ATF6: variants seen among roughly 807,000 people sequenced by gnomAD.
ATF6 encodes the protein activating transcription factor 6, also known as cyclic AMP-dependent transcription factor ATF-6 alpha.
ATF6 carries 53 observed loss-of-function variants against 83.6 expected under a neutral mutation model. The observed-to-expected ratio is 0.63, with a 90% CI of 0.51 to 0.80. The LOEUF is 0.80. ATF6 is among the 30% of genes least tolerant of loss of function. ATF6 has a pLI of 0.00. For missense variants in ATF6, 744 were observed against 797.9 expected (o/e 0.93, Z 0.81); for synonymous variants, 288 against 285.8 (o/e 1.01, Z -0.08).
chr1:161,957,470 T>C (rs1315484781), intron 15 of ATF6, among the ~76,000 whole-genome samples: 2 of 152,202 alleles, frequency 1.3e-5, no homozygotes, highest in African/African-American at 2.4e-5. Flanking sequence ...ATATTATTTA[T>C]TTTCTCATCA....
At chr1:161,898,243 T>A (rs1371028086) in intron 14 of ATF6, among the ~76,000 whole-genome samples, 1 of 152,200 alleles carries the variant, frequency 6.6e-6, no homozygotes, top group Non-Finnish European at 1.5e-5. Context: ...AAATATCATA[T>A]CCAGGCTTTT....
intron 6 of ATF6, among the ~76,000 whole-genome samples, chr1:161,799,182 A>C: frequency 6.6e-6 from 1 of 152,216 alleles, no homozygotes; most frequent in Non-Finnish European, 1.5e-5. Flanking sequence ...ATCAACCTAG[A>C]TGCCCATCAG....
intron 1 of ATF6, among the ~76,000 whole-genome samples, chr1:161,771,565 C>T (rs867188692): frequency 6.6e-6 from 1 of 152,172 alleles, no homozygotes; most frequent in Non-Finnish European, 1.5e-5. Context: ...CACAATATCC[C>T]ATCCTCTACC....
At chr1:161,807,848 AC>A (rs1213689932) in intron 7 of ATF6, among the ~76,000 whole-genome samples, 1 of 65,968 alleles carries the variant, frequency 1.5e-5, no homozygotes, top group Non-Finnish European at 3.2e-5. Flanking sequence ...TACTTTTTGT[AC>A]TTTTTAGTTT....
At chr1:161,868,909 G>C (rs1424159423) in intron 14 of ATF6, among the ~76,000 whole-genome samples, 3 of 152,044 alleles carry the variant, frequency 2.0e-5, no homozygotes, top group African/African-American at 7.2e-5. Context: ...TGAGATACTT[G>C]CATCTTCATT....
intron 3 of ATF6, among the ~76,000 whole-genome samples, chr1:161,782,514 A>T (rs1369416684): frequency 6.6e-6 from 1 of 152,198 alleles, no homozygotes; most frequent in African/African-American, 2.4e-5. Context: ...TGATGGTAGA[A>T]TGAAGAAAAA....
intron 14 of ATF6, among the ~76,000 whole-genome samples, chr1:161,867,428 A>T (rs1378266686): frequency 2.0e-5 from 3 of 152,196 alleles, no homozygotes; most frequent in Non-Finnish European, 4.4e-5. Flanking sequence ...GTTAAGAAGA[A>T]GATGATTTTA....
At chr1:161,768,213 T>A (rs1161692648) in intron 1 of ATF6, among the ~76,000 whole-genome samples, 1 of 152,166 alleles carries the variant, frequency 6.6e-6, no homozygotes, top group Admixed American at 6.6e-5. Flanking sequence ...TTTTATGTCG[T>A]CTTCTGATAC....
chr1:161,822,356 G>A (rs1026829872), intron 9 of ATF6, among the ~76,000 whole-genome samples: 3 of 152,136 alleles, frequency 2.0e-5, no homozygotes, highest in Non-Finnish European at 2.9e-5. Context: ...AGTAAAAAGA[G>A]CTTCAAGCAG....
intron 7 of ATF6, among the ~76,000 whole-genome samples, chr1:161,805,856 G>A (rs773812459): frequency 2.0e-5 from 3 of 150,114 alleles, no homozygotes; most frequent in Non-Finnish European, 4.4e-5. Context: ...TTGTAATGCT[G>A]ACATGGCTTC....
At chr1:161,787,507 A>G (rs1265710950) in intron 4 of ATF6, among the ~76,000 whole-genome samples, 1 of 151,442 alleles carries the variant, frequency 6.6e-6, no homozygotes, top group African/African-American at 2.4e-5. Context: ...CTCTGCTGTG[A>G]CTCCTCATGC....
intron 9 of ATF6, among the ~76,000 whole-genome samples, chr1:161,824,618 A>G (rs957272362): frequency 2.0e-4 from 31 of 152,328 alleles, no homozygotes; most frequent in Middle Eastern, 3.4e-3. Context: ...TGGCTGGCAC[A>G]TAGTAGTTAC....
intron 6 of ATF6, among the ~76,000 whole-genome samples, chr1:161,797,771 T>C (rs1227974236): frequency 6.6e-6 from 1 of 152,204 alleles, no homozygotes; most frequent in Non-Finnish European, 1.5e-5. Flanking sequence ...TTTAATGCTA[T>C]TCCTATCAAA....
intron 6 of ATF6, among the ~76,000 whole-genome samples, chr1:161,794,241 A>G (rs1005921242): frequency 6.6e-6 from 1 of 152,070 alleles, no homozygotes; most frequent in Non-Finnish European, 1.5e-5. Context: ...AATAGGTGGT[A>G]TTATTATAAT....
chr1:161,910,054 A>G (rs1687959936), intron 14 of ATF6, among the ~76,000 whole-genome samples: 1 of 152,246 alleles, frequency 6.6e-6, no homozygotes, highest in Non-Finnish European at 1.5e-5. Context: ...ATGATCTGAA[A>G]AAGAGTAAGA....
intron 15 of ATF6, among the ~76,000 whole-genome samples, chr1:161,936,363 CA>C (rs1040709758): frequency 1.3e-5 from 2 of 151,942 alleles, no homozygotes; most frequent in African/African-American, 4.8e-5. Flanking sequence ...GGGTATGTGA[CA>C]TGTTTTGATA....
At chr1:161,867,294 C>CA (rs928588906) in intron 14 of ATF6, among the ~76,000 whole-genome samples, 66 of 143,144 alleles carry the variant, frequency 4.6e-4, no homozygotes, top group South Asian at 1.8e-3. Context: ...GACTCCATCT[C>CA]AAAAAAAAAA....
chr1:161,846,082 C>T (rs912909366), intron 9 of ATF6, among the ~76,000 whole-genome samples: 1 of 152,094 alleles, frequency 6.6e-6, no homozygotes, highest in African/African-American at 2.4e-5. Context: ...TTGCACCATC[C>T]AGGAGGCCTT....
chr1:161,832,761 C>T (rs939100424), intron 9 of ATF6, among the ~76,000 whole-genome samples: 1 of 152,212 alleles, frequency 6.6e-6, no homozygotes, highest in African/African-American at 2.4e-5. Context: ...AGCTGGGAAG[C>T]TTGAACTGGG....
Sources: allele counts gnomAD v4.1 joint callset (sites outside exome capture counted in the v4.1 genomes callset), GRCh38; gene constraint gnomAD v4.1.1; transcripts MANE v1.5; gene names NCBI Gene and HGNC (gene_info 2026-07-23, HGNC 2026-07-21).